The following NTRK3 variants were observed in gnomAD, a reference collection of about 807,000 sequenced individuals.
NTRK3 encodes NT-3 growth factor receptor.
In NTRK3, 24 loss-of-function variants were observed where a neutral mutation model predicts 91.7. That is an observed-to-expected ratio of 0.26 (90% CI 0.19 to 0.37). NTRK3 has a LOEUF of 0.37. Among genes scored for constraint, NTRK3 ranks in the 10% least tolerant of loss-of-function variants. The pLI, the probability that NTRK3 is intolerant of heterozygous loss-of-function variation, is 1.00. For synonymous variants in NTRK3, 483 were observed against 404.0 expected, an observed-to-expected ratio of 1.20 and a Z score of -2.34; for missense variants, 880 against 1,068.9, an observed-to-expected ratio of 0.82 and a Z score of 2.46.
At chr15:88,155,702 TTC>T (rs1030916316) in intron 5 of NTRK3, among the ~76,000 whole-genome samples, 3 of 152,308 alleles carry the variant, frequency 2.0e-5, no homozygotes, top group South Asian at 2.1e-4. Flanking sequence ...ACGTGAAATT[TTC>T]TGTTAGTCAC....
intron 18 of NTRK3, among the ~76,000 whole-genome samples, chr15:87,877,432 A>C (rs2064999955): frequency 6.6e-6 from 1 of 152,032 alleles, no homozygotes; most frequent in Non-Finnish European, 1.5e-5. Context: ...TCTAGTCCTG[A>C]ATCTCATCAG....
exon 19 of NTRK3, chr15:87,870,226 A>T (rs2064790664): frequency 5.4e-6 from 1 of 186,488 alleles, no homozygotes; most frequent in Admixed American, 6.2e-5. Context: ...ACAAACATAT[A>T]TATGTATGAT....
chr15:88,077,828 C>G lies in NTRK3; in HGVS notation c.1397-44783G>C, dbSNP rs138901971. On this transcript the variant is annotated intron_variant, in intron 13 of 18. Transcript: ENST00000394480. Reference sequence around the variant, plus strand: ...GAACTTTACCCTGTTTGTAAAATAACAGGTGGGTCTCCTTCCCAGACACAC... The same window carrying G: ...GAACTTTACCCTGTTTGTAAAATAAGAGGTGGGTCTCCTTCCCAGACACAC... Among the ~76,000 whole-genome samples, 410 of 152,300 alleles carry G rather than the reference C, an allele frequency of 2.7e-3. 3 individuals carry two copies. The highest frequency in any genetic ancestry group is 9.3e-3 in the African/African-American group (385 of 41,558).
intron 13 of NTRK3, among the ~76,000 whole-genome samples, chr15:88,051,919 C>T (rs1359492318): frequency 2.6e-5 from 4 of 152,180 alleles, no homozygotes; most frequent in Non-Finnish European, 5.9e-5. Context: ...TCCCACTTCT[C>T]ATCAAAGCAA....
chr15:88,073,421 A>T (rs1417866931), intron 13 of NTRK3, among the ~76,000 whole-genome samples: 3 of 152,114 alleles, frequency 2.0e-5, no homozygotes, highest in Non-Finnish European at 4.4e-5. Context: ...TTACTGATAT[A>T]CTGAATCCAA....
At chr15:88,164,157 A>G (rs2044717631) in intron 5 of NTRK3, among the ~76,000 whole-genome samples, 1 of 152,156 alleles carries the variant, frequency 6.6e-6, no homozygotes, top group African/African-American at 2.4e-5. Context: ...TCTTGTCCAA[A>G]AAGGATTACT....
At chr15:87,980,281 T>C (rs1412668685) in intron 14 of NTRK3, among the ~76,000 whole-genome samples, 1 of 152,208 alleles carries the variant, frequency 6.6e-6, no homozygotes, top group African/African-American at 2.4e-5. Flanking sequence ...AAGATGTTGT[T>C]CAATCAACTA....
chr15:87,899,099 G>A (rs1168216243), intron 17 of NTRK3, among the ~76,000 whole-genome samples: 1 of 152,210 alleles, frequency 6.6e-6, no homozygotes, highest in Non-Finnish European at 1.5e-5. Flanking sequence ...AGTTGTAATG[G>A]TGTCAGTAGT....
intron 14 of NTRK3, among the ~76,000 whole-genome samples, chr15:87,961,606 A>C (rs1180629437): frequency 6.6e-6 from 1 of 152,242 alleles, no homozygotes; most frequent in South Asian, 2.1e-4. Context: ...GGCAGGAAGT[A>C]AGTCAGGTCT....
In NTRK3 at chr15:88,018,038, C is replaced by T. The variant is rs192699626; in HGVS notation, c.1585+14819G>A. On this transcript the variant is annotated intron_variant, in intron 14 of 18. Transcript: ENST00000394480. ...CCCAGCCACAATCTGGGTGACAAAT[C>T]AAGCTACAGATCCACCAGCGACAGG... Among the ~76,000 whole-genome samples, 31 of 152,290 alleles carry T rather than the reference C, an allele frequency of 2.0e-4. 1 individual carries two copies. The East Asian group carries it at 5.8e-3, about 29-fold the overall frequency.
intron 14 of NTRK3, among the ~76,000 whole-genome samples, chr15:88,000,542 C>A (rs965675433): frequency 2.1e-4 from 32 of 152,144 alleles, no homozygotes; most frequent in Non-Finnish European, 3.8e-4. Context: ...TGGAAACAAC[C>A]ACTAATCTAC....
At chr15:87,926,040 A>C (rs995788927) in intron 17 of NTRK3, among the ~76,000 whole-genome samples, 2 of 152,246 alleles carry the variant, frequency 1.3e-5, no homozygotes, top group African/African-American at 4.8e-5. Context: ...TTCTCACTTT[A>C]ACAATAGAAA....
intron 6 of NTRK3, among the ~76,000 whole-genome samples, chr15:88,141,542 T>C (rs890896434): frequency 6.6e-5 from 10 of 152,176 alleles, no homozygotes; most frequent in Admixed American, 2.0e-4. Context: ...GTCAGCCTGG[T>C]TTTCCCAGCT....
At chr15:88,161,285 TTG>T (rs1156459606) in intron 5 of NTRK3, among the ~76,000 whole-genome samples, 1 of 152,174 alleles carries the variant, frequency 6.6e-6, no homozygotes, top group Non-Finnish European at 1.5e-5. Flanking sequence ...GTTAGACAAC[TTG>T]CCCTGGGTCA....
chr15:87,998,060 G>A (rs552778910), intron 14 of NTRK3, among the ~76,000 whole-genome samples: 1 of 152,296 alleles, frequency 6.6e-6, no homozygotes, highest in Non-Finnish European at 1.5e-5. Context: ...ATAATTCTTG[G>A]TTTTGGGGGG....
intron 13 of NTRK3, among the ~76,000 whole-genome samples, chr15:88,043,693 T>C (rs2079870202): frequency 1.3e-5 from 2 of 152,146 alleles, no homozygotes; most frequent in Non-Finnish European, 2.9e-5. Flanking sequence ...AAATCTAATA[T>C]CTAAAACCCC....
chr15:88,089,121 C>G (rs1349463950), intron 13 of NTRK3, among the ~76,000 whole-genome samples: 1 of 146,812 alleles, frequency 6.8e-6, no homozygotes, highest in Non-Finnish European at 1.5e-5. Flanking sequence ...GACATCTAAG[C>G]TGTCCTTAGT....
At chr15:88,249,864 A>G (rs1183258975) in intron 3 of NTRK3, among the ~76,000 whole-genome samples, 1 of 152,112 alleles carries the variant, frequency 6.6e-6, no homozygotes, top group Non-Finnish European at 1.5e-5. Flanking sequence ...CATCTGAGTG[A>G]CTGAGTCCAG....
chr15:88,068,826 C>G (rs886184669), intron 13 of NTRK3, among the ~76,000 whole-genome samples: 1 of 151,904 alleles, frequency 6.6e-6, no homozygotes, highest in Admixed American at 6.6e-5. Flanking sequence ...CATTTACTGG[C>G]TAACAATGGG....
Sources: allele counts gnomAD v4.1 joint callset (sites outside exome capture counted in the v4.1 genomes callset), GRCh38; gene constraint gnomAD v4.1.1; transcripts MANE v1.5; gene names NCBI Gene and HGNC (gene_info 2026-07-23, HGNC 2026-07-21).